The following NRG2 variants were observed in gnomAD, a reference collection of about 807,000 sequenced individuals.
NRG2 encodes the protein pro-neuregulin-2, membrane-bound isoform.
Under a neutral mutation model 73.9 loss-of-function variants are expected in NRG2, and 27 were observed. That is an observed-to-expected ratio of 0.37 (90% CI 0.27 to 0.50). The LOEUF (loss-of-function observed/expected upper bound fraction) is 0.50. Ranked by LOEUF, NRG2 falls within the 20% of genes least tolerant of loss-of-function variation. The probability of loss-of-function intolerance (pLI) is 0.96; values close to 1 mark genes in which losing one functional copy is unlikely to be tolerated. For synonymous variants in NRG2, 532 were observed against 541.0 expected (o/e 0.98, Z 0.23); for missense variants, 1,126 against 1,210.1 (o/e 0.93, Z 1.03).
chr5:140,024,931 C>T (rs1197517083), intron 1 of NRG2, among the ~76,000 whole-genome samples: 2 of 152,188 alleles, frequency 1.3e-5, no homozygotes, highest in Admixed American at 6.5e-5. Flanking sequence ...ACTTACCTAA[C>T]AGGCTCAAAC....
chr5:139,979,554 G>GCA (rs1756636047), intron 1 of NRG2, among the ~76,000 whole-genome samples: 1 of 152,024 alleles, frequency 6.6e-6, no homozygotes, highest in African/African-American at 2.4e-5. Flanking sequence ...CACATAGAAT[G>GCA]TGGGGAATGA....
chr5:140,005,489 G>A (rs1758824757), intron 1 of NRG2, among the ~76,000 whole-genome samples: 2 of 152,200 alleles, frequency 1.3e-5, no homozygotes, highest in East Asian at 1.9e-4. Context: ...TCCACAAGAA[G>A]GAAGCAAGCT....
At chr5:140,000,529 A>T (rs1758369804) in intron 1 of NRG2, among the ~76,000 whole-genome samples, 1 of 152,250 alleles carries the variant, frequency 6.6e-6, no homozygotes, top group South Asian at 2.1e-4. Context: ...GTGAGAACCC[A>T]TCAGCTGGAA....
chr5:139,865,296 G>A lies in NRG2; in HGVS notation c.1189+253C>T, dbSNP rs1036239880. 4 of 852,460 alleles carry A rather than the reference G, an allele frequency of 4.7e-6. No homozygotes were observed. Among genetic ancestry groups the A allele is most frequent in the Non-Finnish European group, 7.9e-6 (4 of 505,282 alleles). The allele number at this position is 852,460 out of a possible 1,614,324, so 52.8% of individuals were successfully genotyped here. A position where few individuals can be genotyped will look rare whatever the true frequency, so the allele number is the denominator to read the frequency against. ...CCTTGCCACCGTTACCATTTGTATT[G>A]GCCTTGCCACTCTGCCCCTTACCTG... On this transcript the variant is annotated intron_variant, in intron 5 of 9. Transcript: ENST00000361474. This position sits in a 1 kb window ranked among gnomAD's most constrained non-coding sequence, Gnocchi z 5.2.
chr5:140,042,928 T>C lies in NRG2; in HGVS notation c.142A>G (p.Arg48Gly), dbSNP rs778886983. 31 of 1,536,622 alleles carry C rather than the reference T, an allele frequency of 2.0e-5. No homozygotes were observed. Among genetic ancestry groups the C allele is most frequent in the Non-Finnish European group, 2.5e-5 (29 of 1,142,330 alleles). The change falls in exon 1 of 10, where the codon AGG becomes GGG. Residue 48 changes from arginine (R) to glycine (G), a missense_variant. By Grantham distance (125) the Arg-to-Gly change is moderately radical (BLOSUM62 -2). Around this residue, in one of 3 missense-constraint regions of NRG2, gnomAD observed 185 missense variants for 149.0 expected, o/e 1.24. Transcript: ENST00000361474. Reference sequence around the variant, plus strand: ...ATGCTGCTGTTGTTGCTGCTGCTCCTGCTGCTGCTGCCGCTCTCGCTGCTG... The same window carrying C: ...ATGCTGCTGTTGTTGCTGCTGCTCCCGCTGCTGCTGCCGCTCTCGCTGCTG... ...SSSSESGSSS[R>G]SSSNNSSISR...
chr5:139,908,720 A>G (rs1580712423), intron 1 of NRG2, among the ~76,000 whole-genome samples: 1 of 152,088 alleles, frequency 6.6e-6, no homozygotes, highest in Non-Finnish European at 1.5e-5. Context: ...GAAAGCCCTC[A>G]CCCCTCAAGC....
intron 1 of NRG2, among the ~76,000 whole-genome samples, chr5:139,949,626 C>T (rs1015777636): frequency 6.6e-6 from 1 of 152,150 alleles, no homozygotes; most frequent in South Asian, 2.1e-4. Context: ...AGCTAAGGAA[C>T]TTATATTTTA....
chr5:139,921,002 T>C (rs1483938063), intron 1 of NRG2, among the ~76,000 whole-genome samples: 1 of 152,214 alleles, frequency 6.6e-6, no homozygotes, highest in Non-Finnish European at 1.5e-5. Flanking sequence ...TCATTTACAT[T>C]AGCACTATCT....
chr5:140,013,327 C>T (rs887730949), intron 1 of NRG2, among the ~76,000 whole-genome samples: 1 of 152,206 alleles, frequency 6.6e-6, no homozygotes, highest in Non-Finnish European at 1.5e-5. Flanking sequence ...CCTTCCCACA[C>T]CATTAATTGC....
chr5:139,851,936 CT>C lies in NRG2; in HGVS notation c.1545-106del. 1.1e-6 allele frequency: 1 copy of C among 930,752 alleles called. No individual in the cohort carries two copies. Among genetic ancestry groups the C allele is most frequent in the Non-Finnish European group, 1.7e-6 (1 of 603,954 alleles). The allele number at this position is 930,752 out of a possible 1,614,324, so 57.7% of individuals were successfully genotyped here. The stretch of plus-strand genomic sequence containing the variant: ...TGGCTCTTCTTCCACCTCGAGCTCC[CT>C]TAGCTCAATGCCCTTCTCCACTCTG... On this transcript the variant is annotated intron_variant, in intron 8 of 9. Transcript: ENST00000361474. This position sits in a 1 kb window ranked among gnomAD's most constrained non-coding sequence, Gnocchi z 4.2.
chr5:139,904,298 G>A lies in NRG2; in HGVS notation c.701-16787C>T. The A allele has an allele frequency of 1.3e-6, 2 of 1,588,166 alleles. No individual in the cohort carries two copies. The highest frequency in any genetic ancestry group is 2.2e-5 in the South Asian group (2 of 89,368). On this transcript the variant is annotated intron_variant, in intron 1 of 9. Coordinates refer to ENST00000361474, the MANE Select transcript of NRG2 (RefSeq NM_004883.3). This position sits in a 1 kb window ranked among gnomAD's most constrained non-coding sequence, Gnocchi z 6.0. The stretch of plus-strand genomic sequence containing the variant: ...AAACCGGGTTTCTGGGCGCGCGGAG[G>A]TGCCCTACCTTTCTCCCCGGGATCG...
chr5:139,880,561 T>G (rs1472870946), intron 3 of NRG2, among the ~76,000 whole-genome samples: 3 of 152,174 alleles, frequency 2.0e-5, no homozygotes, highest in Non-Finnish European at 4.4e-5. Context: ...CTCCTATAAT[T>G]GCCTTCTAAA....
intron 1 of NRG2, among the ~76,000 whole-genome samples, chr5:139,953,704 GA>G (rs1305134236): frequency 6.6e-6 from 1 of 152,186 alleles, no homozygotes; most frequent in Non-Finnish European, 1.5e-5. Context: ...ATGATAAGAG[GA>G]AAGGACATAT....
Position 140,042,614 on chromosome 5 carries a change from C to A in NRG2, c.456G>T (p.Pro152=). The change falls in exon 1 of 10, where the codon CCG becomes CCT. Residue 152 remains proline, a synonymous_variant. Coordinates refer to ENST00000361474, the MANE Select transcript of NRG2 (RefSeq NM_004883.3). ...CCAACGCCACCCGACCCGAGGCGGG[C>A]GGCTCTCGGGTGCTGTTGGAGCTGG... ...GGSSSNSTRE[P]PASGRVALVK... The A allele has an allele frequency of 6.2e-7, 1 of 1,609,448 alleles. No homozygotes were observed. The highest frequency in any genetic ancestry group is 8.5e-7 in the Non-Finnish European group (1 of 1,178,714).
intron 1 of NRG2, among the ~76,000 whole-genome samples, chr5:140,022,369 C>T (rs1183254553): frequency 6.6e-6 from 1 of 152,206 alleles, no homozygotes; most frequent in Non-Finnish European, 1.5e-5. Context: ...TTATGTGCTA[C>T]TGTTTCTTAT....
At chr5:140,014,983 C>T (rs1283963589) in intron 1 of NRG2, among the ~76,000 whole-genome samples, 2 of 152,140 alleles carry the variant, frequency 1.3e-5, no homozygotes, top group South Asian at 2.1e-4. Context: ...CATGCTTCCA[C>T]CTTAGGGAGA....
intron 1 of NRG2, among the ~76,000 whole-genome samples, chr5:139,943,791 T>C (rs1753587896): frequency 6.6e-6 from 1 of 152,214 alleles, no homozygotes. Flanking sequence ...ATGTCACTTA[T>C]TAACATTGTT....
At chr5:139,863,632 A>G (rs1762291323) in intron 5 of NRG2, among the ~76,000 whole-genome samples, 1 of 152,156 alleles carries the variant, frequency 6.6e-6, no homozygotes, top group South Asian at 2.1e-4. Context: ...ATATTGCCCC[A>G]CTGTCTCTTG....
chr5:139,882,249 G>C (rs1380539345), intron 2 of NRG2, among the ~76,000 whole-genome samples: 1 of 152,068 alleles, frequency 6.6e-6, no homozygotes, highest in Non-Finnish European at 1.5e-5. Flanking sequence ...AAGCAGATAG[G>C]CTGGGCCAGG....
Sources: gnomAD v4.1 joint callset for allele counts (sites outside exome capture counted in the v4.1 genomes callset) on GRCh38, gnomAD v4.1.1 for gene constraint, gnomAD v4.1.1 regional missense constraint, Gnocchi (gnomAD v3.1) non-coding constraint, MANE v1.5 for transcripts, NCBI Gene and HGNC (gene_info 2026-07-23, HGNC 2026-07-21) for gene names.